The following INPP5D variants were observed in gnomAD, a reference collection of about 807,000 sequenced individuals.
INPP5D encodes the protein inositol polyphosphate-5-phosphatase D.
INPP5D carries 33 observed loss-of-function variants against 122.9 expected under a neutral mutation model. The ratio of observed to expected loss-of-function variants is 0.27; its 90% CI spans 0.20 to 0.36. INPP5D has a LOEUF of 0.36. Among genes scored for constraint, INPP5D ranks in the 10% least tolerant of loss-of-function variants. The pLI is 1.00. For missense variants in INPP5D, 1,053 were observed against 1,412.7 expected, an observed-to-expected ratio of 0.75 and a Z score of 4.08; for synonymous variants, 584 against 576.2, an observed-to-expected ratio of 1.01 and a Z score of -0.19.
At chr2:233,187,846 G>C (rs1415284819) in intron 21 of INPP5D, among the ~76,000 whole-genome samples, 1 of 152,114 alleles carries the variant, frequency 6.6e-6, no homozygotes, top group Non-Finnish European at 1.5e-5. Context: ...GCTGCTTCCA[G>C]GCAGGGCCTG....
At chr2:233,192,522 T>A (rs3924334) in intron 22 of INPP5D, among the ~76,000 whole-genome samples, 58,338 of 152,008 alleles carry the variant, frequency 0.38, 11,401 homozygotes, top group South Asian at 0.44. Flanking sequence ...TGGTATTAGA[T>A]GAAACACATT....
At chr2:233,143,831 A>T (rs1264683980) in intron 6 of INPP5D, among the ~76,000 whole-genome samples, 7 of 151,642 alleles carry the variant, frequency 4.6e-5, no homozygotes, top group Admixed American at 2.0e-4. Flanking sequence ...GGTGATGGTG[A>T]TGGTGATGGT....
chr2:233,133,305 G>A (rs1054642429), intron 5 of INPP5D, among the ~76,000 whole-genome samples: 1 of 152,186 alleles, frequency 6.6e-6, no homozygotes, highest in African/African-American at 2.4e-5. Flanking sequence ...GGGTGGGAGA[G>A]TGCCAGCTTC....
intron 5 of INPP5D, among the ~76,000 whole-genome samples, chr2:233,138,275 C>G (rs1322430228): frequency 6.9e-6 from 1 of 144,726 alleles, no homozygotes; most frequent in Non-Finnish European, 1.5e-5. Flanking sequence ...CCACTGCACT[C>G]CAGCCTGGGC....
intron 1 of INPP5D, among the ~76,000 whole-genome samples, chr2:233,077,678 A>C (rs1474149278): frequency 6.6e-5 from 10 of 150,546 alleles, no homozygotes; most frequent in African/African-American, 2.2e-4. Context: ...AAAAAAAAAA[A>C]AAAAAAAACT....
intron 2 of INPP5D, among the ~76,000 whole-genome samples, chr2:233,117,584 C>T (rs1692838506): frequency 6.6e-6 from 1 of 152,158 alleles, no homozygotes; most frequent in African/African-American, 2.4e-5. Flanking sequence ...CTGCTTCTTG[C>T]CTGTGATCTT....
intron 17 of INPP5D, chr2:233,171,356 G>T: frequency 1.6e-6 from 1 of 621,802 alleles, no homozygotes. Flanking sequence ...AATAACCCTT[G>T]TGATTTACCT....
chr2:233,189,671 C>G lies in INPP5D; in HGVS notation c.2359-179C>G, dbSNP rs1355162646. Among the ~76,000 whole-genome samples the G allele has an allele frequency of 6.6e-6, 1 of 152,122 alleles. No homozygotes were observed. The highest frequency in any genetic ancestry group is 1.5e-5 in the Non-Finnish European group (1 of 67,994). On this transcript the variant is annotated intron_variant, in intron 21 of 26. Coordinates refer to ENST00000445964, the MANE Select transcript of INPP5D (RefSeq NM_001017915.3). This position sits in a 1 kb window ranked among gnomAD's most constrained non-coding sequence, Gnocchi z 5.6. The stretch of plus-strand genomic sequence containing the variant: ...GACAGGGAAGGAAGCTAACCCCCAC[C>G]TTGCTGGACAGGGTGTATGTGAAAG...
chr2:233,115,589 C>G (rs1308285986), intron 2 of INPP5D, among the ~76,000 whole-genome samples: 2 of 152,178 alleles, frequency 1.3e-5, no homozygotes, highest in African/African-American at 4.8e-5. Context: ...ACAGGCAGCC[C>G]CTCTCCCCTT....
intron 9 of INPP5D, among the ~76,000 whole-genome samples, chr2:233,156,648 G>A (rs372604118): frequency 3.9e-5 from 6 of 152,278 alleles, no homozygotes; most frequent in Admixed American, 6.5e-5. Context: ...CCACTCTTCT[G>A]TGGAGTCACA....
At chr2:233,079,292 G>T (rs1052462442) in intron 1 of INPP5D, 43 bp from the exon 2 acceptor site, 7 of 1,228,470 alleles carry the variant, frequency 5.7e-6, no homozygotes, top group African/African-American at 1.5e-5. Flanking sequence ...AGGAAACCGG[G>T]TCTTCCTGCA....
At chr2:233,143,788 C>T (rs975589613) in intron 6 of INPP5D, among the ~76,000 whole-genome samples, 18 of 151,886 alleles carry the variant, frequency 1.2e-4, no homozygotes, top group Admixed American at 1.1e-3. Flanking sequence ...TGGTCATGAT[C>T]ATGGGAGGGC....
intron 9 of INPP5D, among the ~76,000 whole-genome samples, chr2:233,157,487 A>G (rs969512594): frequency 2.6e-5 from 4 of 152,240 alleles, no homozygotes; most frequent in Non-Finnish European, 5.9e-5. Context: ...AGTTGTCTAG[A>G]AAAAGAGAAA....
intron 4 of INPP5D, among the ~76,000 whole-genome samples, chr2:233,127,155 C>T (rs556269586): frequency 2.6e-5 from 4 of 152,318 alleles, no homozygotes; most frequent in Admixed American, 6.5e-5. Flanking sequence ...CCAGCAGGGG[C>T]GTGAAGCCGA....
chr2:233,090,813 C>T (rs545025915), intron 2 of INPP5D, among the ~76,000 whole-genome samples: 69 of 152,068 alleles, frequency 4.5e-4, no homozygotes, highest in African/African-American at 1.4e-3. Flanking sequence ...CAAAAATAGC[C>T]GGGTGTGATG....
At chr2:233,119,797 C>T (rs935726897) in intron 2 of INPP5D, among the ~76,000 whole-genome samples, 37 of 152,180 alleles carry the variant, frequency 2.4e-4, no homozygotes, top group African/African-American at 8.9e-4. Flanking sequence ...CACAAGGGCT[C>T]GGGAACAGGT....
chr2:233,195,011 G>A (rs746213374), intron 23 of INPP5D, among the ~76,000 whole-genome samples: 5 of 152,134 alleles, frequency 3.3e-5, no homozygotes, highest in African/African-American at 4.8e-5. Context: ...GGCCAGACTG[G>A]TTTGGAACTC....
intron 3 of INPP5D, among the ~76,000 whole-genome samples, chr2:233,123,175 G>A (rs2106257060): frequency 6.6e-6 from 1 of 152,260 alleles, no homozygotes; most frequent in South Asian, 2.1e-4. Context: ...TACAGTCCCA[G>A]CCAGGTGCAG....
Position 233,160,667 on chromosome 2 carries a change from T to C in INPP5D, c.1138-1057T>C, listed in dbSNP as rs140005135. Among the ~76,000 whole-genome samples, 16,503 of 152,212 alleles carry C rather than the reference T, an allele frequency of 0.11. 1,188 individuals are homozygous for C. The highest frequency in any genetic ancestry group is 0.21 in the Middle Eastern group (61 of 294). On this transcript the variant is annotated intron_variant, in intron 10 of 26. Coordinates refer to ENST00000445964, the MANE Select transcript of INPP5D (RefSeq NM_001017915.3). The surrounding 1 kb of genome is among the most constrained non-coding windows in gnomAD (Gnocchi z 4.2). ...TTTCTTTTCTGAGACAGGGTCTTGTTCAGTTGCCCCGGCTGAAGTGCAGTG... is the reference window on the plus strand; with the variant it reads ...TTTCTTTTCTGAGACAGGGTCTTGTCCAGTTGCCCCGGCTGAAGTGCAGTG...
Sources: allele counts gnomAD v4.1 joint callset (sites outside exome capture counted in the v4.1 genomes callset), GRCh38; gene constraint gnomAD v4.1.1; non-coding constraint Gnocchi (gnomAD v3.1); transcripts MANE v1.5; gene names NCBI Gene and HGNC (gene_info 2026-07-23, HGNC 2026-07-21).